Variants in TNC observed in about 807,000 individuals in gnomAD.
TNC encodes the protein tenascin C.
TNC carries 109 observed loss-of-function variants against 202.4 expected under a neutral mutation model. The ratio of observed to expected loss-of-function variants is 0.54; its 90% CI spans 0.46 to 0.63. TNC has a LOEUF of 0.63. TNC is among the 30% of genes least tolerant of loss of function. The pLI is 0.00. For synonymous variants in TNC, 1,007 were observed against 1,089.7 expected, an observed-to-expected ratio of 0.92 and a Z score of 1.50; for missense variants, 2,756 against 2,833.3, an observed-to-expected ratio of 0.97 and a Z score of 0.62.
rs200193588 is a variant in TNC, at chr9:115,082,699, C to T, written c.2240G>A (p.Arg747Gln). 41 of 1,607,430 alleles carry T rather than the reference C, an allele frequency of 2.6e-5. No homozygotes were observed. The highest frequency in any genetic ancestry group is 1.7e-4 in the Middle Eastern group (1 of 6,046). Reference protein sequence around the residue: ...IAFETWEIIFRNMNKEDEGEI... With the variant: ...IAFETWEIIFQNMNKEDEGEI... ...CTCTTTTGTACTCCTTACCATATTCCGGAAGATGATCTCCCAGGTTTCAAA... is the reference window on the plus strand; with the variant it reads ...CTCTTTTGTACTCCTTACCATATTCTGGAAGATGATCTCCCAGGTTTCAAA... The change falls in exon 5 of 28, where the codon CGG becomes CAG. Residue 747 changes from arginine to glutamine, a missense_variant. By Grantham distance (43) the Arg-to-Gln change is conservative. Transcript: ENST00000350763.
chr9:115,053,156 T>C (rs1362701031), intron 15 of TNC: 1 of 593,102 alleles, frequency 1.7e-6, no homozygotes, highest in Non-Finnish European at 3.0e-6. Flanking sequence ...AGGCTGTGTC[T>C]ACACCTGCAT....
intron 15 of TNC, among the ~76,000 whole-genome samples, chr9:115,051,118 G>A (rs1159134256): frequency 1.3e-5 from 2 of 152,072 alleles, no homozygotes; most frequent in African/African-American, 4.8e-5. Flanking sequence ...GAGGCTTTTT[G>A]GGCTAGAATT....
At chr9:115,071,691 A>C (rs7031990) in intron 10 of TNC, among the ~76,000 whole-genome samples, 1 of 151,916 alleles carries the variant, frequency 6.6e-6, no homozygotes, top group African/African-American at 2.4e-5. Flanking sequence ...GCTAAGGGAG[A>C]GGGGCAGAGG....
intron 19 of TNC, among the ~76,000 whole-genome samples, chr9:115,039,537 G>A (rs529187039): frequency 2.0e-5 from 3 of 152,334 alleles, no homozygotes; most frequent in African/African-American, 7.2e-5. Flanking sequence ...TTTCTCAGAA[G>A]CCAGCATGAA....
chr9:115,048,556 T>C (rs1481891212), intron 15 of TNC, 24 bp from the exon 16 acceptor site: 2 of 1,598,958 alleles, frequency 1.3e-6, no homozygotes, highest in Non-Finnish European at 8.5e-7. Flanking sequence ...GGAGTGAAAA[T>C]AACTCAGGTT....
chr9:115,025,378 T>A (rs1829398594), intron 26 of TNC, among the ~76,000 whole-genome samples: 1 of 128,000 alleles, frequency 7.8e-6, no homozygotes, highest in South Asian at 2.3e-4. Context: ...CTCCTTAGGC[T>A]CAGCCTGGCT....
chr9:115,046,205 A>G (rs548887267), intron 17 of TNC, among the ~76,000 whole-genome samples: 2 of 152,302 alleles, frequency 1.3e-5, no homozygotes, highest in African/African-American at 4.8e-5. Flanking sequence ...TTTAATCCTC[A>G]CAACCCTATT....
rs182360510 is a variant in TNC at position 115,048,651 on chromosome 9, C to T, written c.4580-119G>A. The T allele has an allele frequency of 6.8e-4, 731 of 1,070,492 alleles. 4 individuals are homozygous for T. In the African/African-American group the frequency reaches 0.011, roughly 16 times the overall value. 66.3% of individuals were successfully genotyped at this position (1,070,492 alleles called of 1,614,324 possible). ...TCCATCATTCAATTTGTGTTATATG[C>T]TTAGAAAATGAAAATTCAGTAAGAA... On this transcript the variant is annotated intron_variant, in intron 15 of 27. Coordinates refer to ENST00000350763, the MANE Select transcript of TNC (RefSeq NM_002160.4).
At chr9:115,090,192 T>C (rs1384564854) in intron 2 of TNC, among the ~76,000 whole-genome samples, 3 of 152,150 alleles carry the variant, frequency 2.0e-5, no homozygotes, top group Non-Finnish European at 4.4e-5. Flanking sequence ...CAGCAGTACC[T>C]ATCAGAGAGT....
At chr9:115,104,325 A>G (rs765073309) in intron 1 of TNC, among the ~76,000 whole-genome samples, 1 of 152,226 alleles carries the variant, frequency 6.6e-6, no homozygotes, top group Non-Finnish European at 1.5e-5. Context: ...CCGATTACAG[A>G]CAGACTTACA....
intron 22 of TNC, among the ~76,000 whole-genome samples, chr9:115,032,252 T>C (rs1371608351): frequency 1.3e-5 from 2 of 152,144 alleles, no homozygotes; most frequent in East Asian, 3.9e-4. Flanking sequence ...GTTAGAACAG[T>C]GGAAAATGTT....
At chr9:115,069,757 TCCC>T (rs1833305513) in intron 10 of TNC, among the ~76,000 whole-genome samples, 2 of 20,718 alleles carry the variant, frequency 9.7e-5, no homozygotes, top group African/African-American at 2.1e-4. Context: ...CCTCCCTCCC[TCCC>T]TCCCTCCCTC....
At chr9:115,024,242 G>C in intron 26 of TNC, 106 bp from the exon 27 acceptor site, 1 of 1,189,778 alleles carries the variant, frequency 8.4e-7, no homozygotes, top group Non-Finnish European at 1.2e-6. Context: ...CTGGGTGTGG[G>C]ACTGGCCTTG....
intron 16 of TNC, 90 bp from the exon 17 acceptor site, chr9:115,046,772 G>T: frequency 7.0e-7 from 1 of 1,427,736 alleles, no homozygotes; most frequent in Non-Finnish European, 9.6e-7. Context: ...GTATCAATAT[G>T]TAGTGATGCC....
intron 15 of TNC, 81 bp from the exon 16 acceptor site, chr9:115,048,613 A>G: frequency 2.2e-6 from 3 of 1,354,596 alleles, no homozygotes; most frequent in South Asian, 1.4e-5. Flanking sequence ...AAGAACACCA[A>G]TAGATACCCA....
intron 9 of TNC, among the ~76,000 whole-genome samples, chr9:115,075,388 CCACAGTTGTGTTTGGA>C: frequency 1.3e-5 from 2 of 152,040 alleles, no homozygotes; most frequent in Admixed American, 1.3e-4. Context: ...AGAGAAAACC[CCACAGTTGTGTTTGGA>C]CTAGATAATG....
chr9:115,098,680 T>G (rs1835979284), intron 1 of TNC, among the ~76,000 whole-genome samples: 1 of 152,198 alleles, frequency 6.6e-6, no homozygotes, highest in Admixed American at 6.5e-5. Flanking sequence ...ACGAGGAGAA[T>G]TCCTATTGTT....
intron 1 of TNC, among the ~76,000 whole-genome samples, chr9:115,103,175 C>G (rs968188304): frequency 4.6e-5 from 7 of 152,142 alleles, no homozygotes; most frequent in Non-Finnish European, 8.8e-5. Flanking sequence ...AGACATCAAC[C>G]CAAGGGCTTT....
intron 17 of TNC, among the ~76,000 whole-genome samples, chr9:115,045,735 A>G (rs1039215970): frequency 2.7e-5 from 4 of 150,722 alleles, no homozygotes; most frequent in Non-Finnish European, 5.9e-5. Context: ...AACAGCTCCT[A>G]TGGAAAAAGG....
Sources: allele counts gnomAD v4.1 joint callset (sites outside exome capture counted in the v4.1 genomes callset), GRCh38; gene constraint gnomAD v4.1.1; transcripts MANE v1.5; gene names NCBI Gene and HGNC (gene_info 2026-07-23, HGNC 2026-07-21).